RYR2: variants seen among roughly 807,000 people sequenced by gnomAD.
RYR2 encodes the protein cardiac muscle ryanodine receptor-calcium release channel.
RYR2 carries 227 observed loss-of-function variants against 601.1 expected under a neutral mutation model. The observed-to-expected ratio is 0.38, with a 90% CI of 0.34 to 0.42. The LOEUF is 0.42. Ranked by LOEUF, RYR2 falls within the 10% of genes least tolerant of loss-of-function variation. The pLI is 1.00. For missense variants in RYR2, 4,646 were observed against 6,156.5 expected, an observed-to-expected ratio of 0.75 and a Z score of 8.21; for synonymous variants, 2,223 against 2,175.1, an observed-to-expected ratio of 1.02 and a Z score of -0.61.
chr1:237,240,291 A>G (rs985810538), intron 1 of RYR2, among the ~76,000 whole-genome samples: 1 of 152,156 alleles, frequency 6.6e-6, no homozygotes, highest in Non-Finnish European at 1.5e-5. Flanking sequence ...TAATGACACA[A>G]TTCTGGAGCA....
chr1:237,625,711 A>T lies in RYR2; in HGVS notation c.6073A>T (p.Ile2025Phe). The T allele has an allele frequency of 6.2e-7, 1 of 1,613,798 alleles. No individual in the cohort carries two copies. Among genetic ancestry groups the T allele is most frequent in the Non-Finnish European group, 8.5e-7 (1 of 1,179,840 alleles). ...GSLDGNSDLT[I>F]RGRLLSLVEK... ...TCTGGATGGAAACAGTGATTTAACA[A>T]TTAGAGGGCGTCTGCTATCCCTGGT... Residue 2025 changes from isoleucine to phenylalanine, a missense_variant, in exon 40 of 105, where the codon ATT becomes TTT. Physicochemically the swap from Ile to Phe is conservative, Grantham distance 21 (BLOSUM62 0). This residue lies in a region of RYR2 where 170 missense variants were observed against 184.5 expected (regional missense o/e 0.92). Coordinates refer to ENST00000366574, the MANE Select transcript of RYR2 (RefSeq NM_001035.3).
rs528367655 is a variant in RYR2, at chr1:237,480,805, C to T, written c.1709-11001C>T. On this transcript the variant is annotated intron_variant, in intron 17 of 104. Coordinates refer to ENST00000366574, the MANE Select transcript of RYR2 (RefSeq NM_001035.3). ...TTTGTCTGTTTTGCAAATGCATCCACGATATTCCCTCATTCTGTATATGGA... is the reference window on the plus strand; with the variant it reads ...TTTGTCTGTTTTGCAAATGCATCCATGATATTCCCTCATTCTGTATATGGA... Among the ~76,000 whole-genome samples the T allele has an allele frequency of 2.1e-3, 321 of 152,228 alleles. 1 individual carries two copies. Among genetic ancestry groups the T allele is most frequent in the African/African-American group, 7.3e-3 (304 of 41,526 alleles).
At chr1:237,520,322 C>G (rs1666966925) in intron 24 of RYR2, among the ~76,000 whole-genome samples, 1 of 152,194 alleles carries the variant, frequency 6.6e-6, no homozygotes, top group Non-Finnish European at 1.5e-5. Flanking sequence ...ATTTCTCTCA[C>G]TAGGCCTTTC....
chr1:237,667,217 T>C (rs761738892), intron 57 of RYR2, among the ~76,000 whole-genome samples: 5 of 152,228 alleles, frequency 3.3e-5, no homozygotes, highest in Non-Finnish European at 5.9e-5. Flanking sequence ...TAGGTCAATA[T>C]GGTGTTCAAA....
intron 1 of RYR2, among the ~76,000 whole-genome samples, chr1:237,265,638 G>T (rs1371617361): frequency 6.6e-6 from 1 of 152,074 alleles, no homozygotes; most frequent in Non-Finnish European, 1.5e-5. Context: ...AGGATTTTTT[G>T]GCTTTTATCT....
chr1:237,120,443 A>C (rs1670646637), intron 1 of RYR2, among the ~76,000 whole-genome samples: 1 of 152,212 alleles, frequency 6.6e-6, no homozygotes, highest in Non-Finnish European at 1.5e-5. Flanking sequence ...TCTGAGTCTG[A>C]AAAGAGACAA....
At chr1:237,517,510 A>G (rs1217346851) in intron 24 of RYR2, among the ~76,000 whole-genome samples, 1 of 152,194 alleles carries the variant, frequency 6.6e-6, no homozygotes, top group Admixed American at 6.6e-5. Flanking sequence ...CAAATCACAA[A>G]AAGATCTCAT....
chr1:237,291,228 C>G (rs1311483686), intron 2 of RYR2, among the ~76,000 whole-genome samples: 2 of 151,918 alleles, frequency 1.3e-5, no homozygotes, highest in African/African-American at 4.8e-5. Context: ...ATGGCAAAAA[C>G]AAGCAGAAGA....
At chr1:237,570,430 C>T (rs928627725) in intron 29 of RYR2, among the ~76,000 whole-genome samples, 23 of 151,414 alleles carry the variant, frequency 1.5e-4, no homozygotes, top group Admixed American at 3.3e-4. Flanking sequence ...CCTCTGCCTC[C>T]TGGATTCAAG....
intron 40 of RYR2, among the ~76,000 whole-genome samples, chr1:237,626,867 A>G (rs933390668): frequency 3.3e-5 from 5 of 151,954 alleles, no homozygotes; most frequent in Non-Finnish European, 7.4e-5. Context: ...GCCACTGTGC[A>G]TGGCCAGAGT....
intron 1 of RYR2, among the ~76,000 whole-genome samples, chr1:237,202,227 T>C (rs1323819214): frequency 1.3e-5 from 2 of 152,232 alleles, no homozygotes; most frequent in African/African-American, 4.8e-5. Context: ...CCTATGAATA[T>C]ATTTTTGTGT....
intron 1 of RYR2, among the ~76,000 whole-genome samples, chr1:237,124,559 C>G (rs1213375282): frequency 6.6e-6 from 1 of 152,130 alleles, no homozygotes; most frequent in Non-Finnish European, 1.5e-5. Context: ...GTTTTCATGC[C>G]TTTTTCAGTT....
intron 10 of RYR2, among the ~76,000 whole-genome samples, chr1:237,415,064 G>C (rs1012562696): frequency 6.6e-5 from 10 of 152,120 alleles, no homozygotes; most frequent in Non-Finnish European, 1.3e-4. Flanking sequence ...GTAGAGGGCA[G>C]GGTTGTAAAC....
intron 29 of RYR2, among the ~76,000 whole-genome samples, chr1:237,580,462 A>G (rs955963702): frequency 2.2e-5 from 1 of 44,752 alleles, no homozygotes. Flanking sequence ...AGGCCCCAAC[A>G]ATGCTTTAAA....
intron 25 of RYR2, 48 bp from the exon 26 acceptor site, chr1:237,548,383 T>G: frequency 6.3e-7 from 1 of 1,591,898 alleles, no homozygotes. Flanking sequence ...ACAGAGATTT[T>G]TATGAAAAGG....
At chr1:237,622,087 A>G (rs1445771984) in intron 38 of RYR2, among the ~76,000 whole-genome samples, 4 of 152,328 alleles carry the variant, frequency 2.6e-5, no homozygotes, top group Non-Finnish European at 5.9e-5. Flanking sequence ...ATAGCATATA[A>G]GTCTATAATT....
At chr1:237,346,816 G>A (rs908172207) in intron 3 of RYR2, among the ~76,000 whole-genome samples, 4 of 152,138 alleles carry the variant, frequency 2.6e-5, no homozygotes, top group South Asian at 2.1e-4. Flanking sequence ...ATCTCATGCC[G>A]TTAAAGTACA....
rs2149381504 is a variant in RYR2, at chr1:237,792,234, A to G, written c.13693A>G (p.Ser4565Gly). Residue 4565 changes from serine to glycine, a missense_variant, in exon 94 of 105, where the codon AGC becomes GGC. By Grantham distance (56) the Ser-to-Gly change is moderately conservative (BLOSUM62 0). Around this residue, in one of 17 missense-constraint regions of RYR2, gnomAD observed 364 missense variants for 442.9 expected, o/e 0.82. Coordinates refer to ENST00000366574, the MANE Select transcript of RYR2 (RefSeq NM_001035.3). ...IAVHYVLEESSGYMEPTLRIL... is the reference protein window; with the variant it reads ...IAVHYVLEESGGYMEPTLRIL... ...AGTTCACTATGTACTAGAGGAGAGC[A>G]GCGGCTACATGGAGCCCACGTTGCG... The G allele has an allele frequency of 1.2e-6, 2 of 1,613,900 alleles. No individual in the cohort carries two copies. The highest frequency in any genetic ancestry group is 1.3e-5 in the African/African-American group (1 of 75,032).
chr1:237,534,282 C>A (rs1401615593), intron 25 of RYR2, among the ~76,000 whole-genome samples: 2 of 151,954 alleles, frequency 1.3e-5, no homozygotes, highest in Non-Finnish European at 2.9e-5. Flanking sequence ...TATAACTACT[C>A]ATGTATACAC....
Sources: gnomAD v4.1 joint callset for allele counts (sites outside exome capture counted in the v4.1 genomes callset) on GRCh38, gnomAD v4.1.1 for gene constraint, gnomAD v4.1.1 regional missense constraint, MANE v1.5 for transcripts, NCBI Gene and HGNC (gene_info 2026-07-23, HGNC 2026-07-21) for gene names.